SH2D4B: variants seen among roughly 807,000 people sequenced by gnomAD.
SH2D4B encodes SH2 domain containing 4B, also known as SH2 domain-containing protein 4B.
A neutral mutation model predicts 61.5 loss-of-function variants in SH2D4B; 45 were observed. The ratio of observed to expected loss-of-function variants is 0.73; its 90% CI spans 0.58 to 0.94. The LOEUF (loss-of-function observed/expected upper bound fraction) is 0.94, where lower values mean the gene tolerates loss of function less well. Ranked by LOEUF, SH2D4B falls within the 40% of genes least tolerant of loss-of-function variation. SH2D4B has a pLI of 0.00. For synonymous variants in SH2D4B, 224 were observed against 220.4 expected, an observed-to-expected ratio of 1.02 and a Z score of -0.14; for missense variants, 572 against 574.2, an observed-to-expected ratio of 1.00 and a Z score of 0.04.
intron 1 of SH2D4B, among the ~76,000 whole-genome samples, chr10:80,543,860 A>T (rs12771374): frequency 4.3e-4 from 66 of 151,958 alleles, no homozygotes; most frequent in Non-Finnish European, 7.8e-4. Context: ...GACTTGGAGA[A>T]CCTTTGTGTA....
intron 5 of SH2D4B, among the ~76,000 whole-genome samples, chr10:80,604,812 G>C (rs1257281547): frequency 7.3e-6 from 1 of 136,494 alleles, no homozygotes; most frequent in Non-Finnish European, 1.6e-5. Context: ...TTCTTTTTTT[G>C]AGACAGAGTC....
At chr10:80,578,706 G>T (rs1343043582) in intron 3 of SH2D4B, among the ~76,000 whole-genome samples, 1 of 152,166 alleles carries the variant, frequency 6.6e-6, no homozygotes, top group East Asian at 1.9e-4. Context: ...ATACAAAGAA[G>T]GATGTGGTCA....
At chr10:80,603,210 C>A (rs1319834036) in intron 4 of SH2D4B, among the ~76,000 whole-genome samples, 1 of 151,912 alleles carries the variant, frequency 6.6e-6, no homozygotes, top group Non-Finnish European at 1.5e-5. Context: ...CAGGGCACTC[C>A]CAGGAAGAAA....
intron 4 of SH2D4B, among the ~76,000 whole-genome samples, chr10:80,595,550 G>T (rs1842376468): frequency 6.6e-6 from 1 of 152,156 alleles, no homozygotes; most frequent in Non-Finnish European, 1.5e-5. Context: ...CAACACTATT[G>T]CCCTGGCCTA....
Position 80,574,561 on chromosome 10 carries a change from T to C in SH2D4B, c.495+2983T>C, listed in dbSNP as rs2343554. Among the ~76,000 whole-genome samples the C allele has an allele frequency of 1.8e-3, 273 of 152,034 alleles. 3 individuals are homozygous for C. Among genetic ancestry groups the C allele is most frequent in the Admixed American group, 0.013 (204 of 15,292 alleles). The stretch of plus-strand genomic sequence containing the variant: ...ATATATTTGGATCCACAGCCTGTGG[T>C]TGAGACACTCAGTGAACCTGAGAGT... On this transcript the variant is annotated intron_variant, in intron 3 of 7. Coordinates refer to ENST00000646907, the MANE Select transcript of SH2D4B (RefSeq NM_001388272.1).
At chr10:80,616,945 T>C (rs1842667966) in intron 6 of SH2D4B, among the ~76,000 whole-genome samples, 1 of 152,238 alleles carries the variant, frequency 6.6e-6, no homozygotes, top group Non-Finnish European at 1.5e-5. Flanking sequence ...TTTAGTCCTA[T>C]GTGACATCAC....
chr10:80,559,743 T>A (rs1219459070), intron 1 of SH2D4B, among the ~76,000 whole-genome samples: 1 of 150,668 alleles, frequency 6.6e-6, no homozygotes, highest in Admixed American at 6.6e-5. Flanking sequence ...GCTCAAAGGA[T>A]CCTCCTGCCT....
chr10:80,575,748 C>G (rs983919298), intron 3 of SH2D4B, among the ~76,000 whole-genome samples: 1 of 152,180 alleles, frequency 6.6e-6, no homozygotes, highest in African/African-American at 2.4e-5. Flanking sequence ...GCACTCCAGC[C>G]TAGGATCCTT....
At chr10:80,620,859 T>C (rs1842711601) in intron 6 of SH2D4B, among the ~76,000 whole-genome samples, 1 of 152,212 alleles carries the variant, frequency 6.6e-6, no homozygotes, top group South Asian at 2.1e-4. Context: ...ATTCTAATTA[T>C]TCAGTGATTT....
At chr10:80,592,043 A>G (rs941953066) in intron 4 of SH2D4B, among the ~76,000 whole-genome samples, 1 of 152,264 alleles carries the variant, frequency 6.6e-6, no homozygotes, top group Admixed American at 6.5e-5. Context: ...GTCCTTGCCA[A>G]CCCTTGTAAT....
chr10:80,540,757 C>A, intron 1 of SH2D4B: 1 of 1,446,614 alleles, frequency 6.9e-7, no homozygotes, highest in Non-Finnish European at 9.4e-7. Flanking sequence ...GTCCTGGAGA[C>A]GGTGGGTAGA....
chr10:80,586,878 C>T (rs992607478), intron 3 of SH2D4B, among the ~76,000 whole-genome samples: 1 of 152,162 alleles, frequency 6.6e-6, no homozygotes, highest in Non-Finnish European at 1.5e-5. Flanking sequence ...AGACCACGAA[C>T]CCACCGGGAG....
chr10:80,562,517 TTC>T (rs1307286404), intron 1 of SH2D4B, among the ~76,000 whole-genome samples: 2 of 152,232 alleles, frequency 1.3e-5, no homozygotes, highest in African/African-American at 4.8e-5. Context: ...CTCTATCCAT[TTC>T]TCTGTTTATA....
chr10:80,623,836 C>CACTGGGTGGAGT (rs1315675766), intron 6 of SH2D4B, among the ~76,000 whole-genome samples: 3 of 152,160 alleles, frequency 2.0e-5, no homozygotes, highest in African/African-American at 7.2e-5. Flanking sequence ...TACAGTACTC[C>CACTGGGTGGAGT]ACTGGGTGTA....
At chr10:80,587,154 T>TTTTTTTTTTTTTTTTTG (rs1842267385) in intron 3 of SH2D4B, among the ~76,000 whole-genome samples, 5 of 99,440 alleles carry the variant, frequency 5.0e-5, no homozygotes, top group Non-Finnish European at 9.3e-5. Flanking sequence ...TTGTTTTGTT[T>TTTTTTTTTTTTTTTTTG]TTTTTTTTTT....
intron 6 of SH2D4B, among the ~76,000 whole-genome samples, chr10:80,619,210 C>G (rs1463223805): frequency 6.6e-6 from 1 of 152,174 alleles, no homozygotes; most frequent in African/African-American, 2.4e-5. Context: ...CAGTGGCCTG[C>G]CTGTGATAGT....
intron 5 of SH2D4B, 44 bp from the exon 6 acceptor site, chr10:80,609,380 T>C: frequency 6.5e-7 from 1 of 1,548,696 alleles, no homozygotes; most frequent in Non-Finnish European, 8.8e-7. Flanking sequence ...CCGCTCTTTC[T>C]CCCTCCCTGA....
At chr10:80,590,591 C>T (rs1333755806) in intron 4 of SH2D4B, among the ~76,000 whole-genome samples, 2 of 152,140 alleles carry the variant, frequency 1.3e-5, no homozygotes, top group Non-Finnish European at 2.9e-5. Flanking sequence ...TGATGGTACA[C>T]TTGACTGATG....
Position 80,538,563 on chromosome 10 carries a change from G to A in SH2D4B, c.184+48G>A, listed in dbSNP as rs374622576. ...GAGGTAGGCCACCAGTCCCCCAGGA[G>A]GTAGAAAAATTAGCAGGGCCAGGCT... On this transcript the variant is annotated intron_variant, in intron 1 of 7. Coordinates refer to ENST00000646907, the MANE Select transcript of SH2D4B (RefSeq NM_001388272.1). This position sits in a 1 kb window ranked among gnomAD's most constrained non-coding sequence, Gnocchi z 4.8. 4.6e-6 allele frequency: 6 copies of A among 1,313,780 alleles called. No homozygotes were observed. The highest frequency in any genetic ancestry group is 5.9e-6 in the Non-Finnish European group (6 of 1,022,022). 81.4% of individuals were successfully genotyped at this position (1,313,780 alleles called of 1,614,324 possible). A position where few individuals can be genotyped will look rare whatever the true frequency, so the allele number is the denominator to read the frequency against.
Sources: gnomAD v4.1 joint callset for allele counts (sites outside exome capture counted in the v4.1 genomes callset) on GRCh38, gnomAD v4.1.1 for gene constraint, Gnocchi (gnomAD v3.1) non-coding constraint, MANE v1.5 for transcripts, NCBI Gene and HGNC (gene_info 2026-07-23, HGNC 2026-07-21) for gene names.